The following MAML1 variants were observed in gnomAD, a reference collection of about 807,000 sequenced individuals.
MAML1 encodes the protein mastermind like transcriptional coactivator 1, also known as mastermind-like protein 1.
Under a neutral mutation model 77.1 loss-of-function variants are expected in MAML1, and 14 were observed. That is an observed-to-expected ratio of 0.18 (90% CI 0.12 to 0.28). The LOEUF is 0.28. Among genes scored for constraint, MAML1 ranks in the 10% least tolerant of loss-of-function variants. MAML1 has a pLI of 1.00. For missense variants in MAML1, 1,217 were observed against 1,327.8 expected (o/e 0.92, Z 1.30); for synonymous variants, 516 against 551.9 (o/e 0.93, Z 0.91).
At position 179,771,354 on chromosome 5, in the gene MAML1, T is replaced by C. The variant is rs1755984333; in HGVS notation, c.2068+111T>C. The C allele has an allele frequency of 1.1e-6, 1 of 903,854 alleles. No homozygotes were observed. The highest frequency in any genetic ancestry group is 1.4e-5 in the South Asian group (1 of 70,478). The allele number at this position is 903,854 out of a possible 1,614,324, so 56.0% of individuals were successfully genotyped here. A position where few individuals can be genotyped will look rare whatever the true frequency, so the allele number is the denominator to read the frequency against. The stretch of plus-strand genomic sequence containing the variant: ...CCTTGACTTCATCAGGCTGCATGCA[T>C]TGTCATCATATACACCTCAGTTTGC... On this transcript the variant is annotated intron_variant, in intron 4 of 4. Transcript: ENST00000292599. The surrounding 1 kb of genome is among the most constrained non-coding windows in gnomAD (Gnocchi z 4.7).
intron 1 of MAML1, among the ~76,000 whole-genome samples, chr5:179,736,969 A>C (rs1214347652): frequency 6.6e-6 from 1 of 151,928 alleles, no homozygotes; most frequent in African/African-American, 2.4e-5. Flanking sequence ...TCAAATTAAA[A>C]AAAAAAAAAA....
At chr5:179,748,944 G>GT (rs1389645853) in intron 1 of MAML1, among the ~76,000 whole-genome samples, 112 of 103,834 alleles carry the variant, frequency 1.1e-3, no homozygotes, top group Non-Finnish European at 1.4e-3. Context: ...AGAAAAAGGT[G>GT]TTTTTGTTTT....
intron 1 of MAML1, among the ~76,000 whole-genome samples, chr5:179,749,135 G>C (rs1779439787): frequency 6.6e-6 from 1 of 151,674 alleles, no homozygotes; most frequent in South Asian, 2.1e-4. Flanking sequence ...CTGGCTAGTT[G>C]TTGTTGTTTG....
rs545515834 is a variant in MAML1, at chr5:179,771,152, G to T, written c.1977G>T (p.Lys659Asn). Residue 659 changes from lysine to asparagine, a missense_variant, in exon 4 of 5, where the codon AAG becomes AAT. Lys to Asn is a moderately conservative substitution (Grantham distance 94). This residue lies in a region of MAML1 where 884 missense variants were observed against 949.3 expected (regional missense o/e 0.93). Coordinates refer to ENST00000292599, the MANE Select transcript of MAML1 (RefSeq NM_014757.5). The surrounding 1 kb of genome is among the most constrained non-coding windows in gnomAD (Gnocchi z 4.7). ...TTGTTCTTGGCATTTTCTAGGAGAAGCAACAGTTTCAGCGCCATCTGACCC... is the reference window on the plus strand; with the variant it reads ...TTGTTCTTGGCATTTTCTAGGAGAATCAACAGTTTCAGCGCCATCTGACCC... Reference protein sequence around the residue: ...RQQHLLAEQEKQQFQRHLTRP... With the variant: ...RQQHLLAEQENQQFQRHLTRP... 6.2e-6 allele frequency: 10 copies of T among 1,613,874 alleles called. No individual in the cohort carries two copies. The South Asian group carries it at 1.1e-4, about 18-fold the overall frequency.
chr5:179,775,101 G>A lies in MAML1; in HGVS notation c.*224G>A, dbSNP rs573595967. The A allele has an allele frequency of 7.4e-7, 1 of 1,345,220 alleles. No homozygotes were observed. The highest frequency in any genetic ancestry group is 2.8e-5 in the East Asian group (1 of 35,128). The allele number at this position is 1,345,220 out of a possible 1,614,324, so 83.3% of individuals were successfully genotyped here. On this transcript the variant is annotated 3_prime_UTR_variant, in exon 5 of 5. Transcript: ENST00000292599. The stretch of plus-strand genomic sequence containing the variant: ...GGCCCCAGCCCATCTGCTGGCATCA[G>A]TACCTGGTGTTGGGACAGCAGGATA...
chr5:179,765,280 A>T, intron 1 of MAML1, 46 bp from the exon 2 acceptor site: 2 of 1,511,562 alleles, frequency 1.3e-6, no homozygotes, highest in Non-Finnish European at 1.8e-6. Flanking sequence ...GTCATAGCAG[A>T]GCAAATTCAT....
rs1269497448 is a variant in MAML1, at chr5:179,756,193, A to G, written c.316-9133A>G. On this transcript the variant is annotated intron_variant, in intron 1 of 4. Transcript: ENST00000292599. ...GTAATCCCAGCACTTTTGGAGGCCG[A>G]GGCAGGTGGATCACGAGGTCAGGAG... Among the ~76,000 whole-genome samples the G allele has an allele frequency of 2.0e-5, 3 of 151,380 alleles. No individual in the cohort carries two copies. In the South Asian group the frequency reaches 6.3e-4, roughly 32 times the overall value.
At position 179,776,083 on chromosome 5, in the gene MAML1, G is replaced by A. The variant is rs533074560; in HGVS notation, c.*1206G>A. The A allele has an allele frequency of 7.1e-6, 7 of 985,904 alleles. No homozygotes were observed. The highest frequency in any genetic ancestry group is 4.7e-5 in the South Asian group (1 of 21,290). The allele number at this position is 985,904 out of a possible 1,614,324, so 61.1% of individuals were successfully genotyped here. A position where few individuals can be genotyped will look rare whatever the true frequency, so the allele number is the denominator to read the frequency against. ...GGACTTGACTAAGCTGAGGGTCCACGAAATAGAATATGACATGTGAGCTGT... is the reference window on the plus strand; with the variant it reads ...GGACTTGACTAAGCTGAGGGTCCACAAAATAGAATATGACATGTGAGCTGT... On this transcript the variant is annotated 3_prime_UTR_variant, in exon 5 of 5. Transcript: ENST00000292599.
chr5:179,735,165 A>C (rs1313536072), intron 1 of MAML1, among the ~76,000 whole-genome samples: 1 of 151,928 alleles, frequency 6.6e-6, no homozygotes, highest in Non-Finnish European at 1.5e-5. Context: ...CCTAAAACTT[A>C]AAGTATGATA....
chr5:179,772,662 G>T (rs1756028315), intron 4 of MAML1, among the ~76,000 whole-genome samples: 1 of 152,052 alleles, frequency 6.6e-6, no homozygotes. Flanking sequence ...GTGAAGATCT[G>T]GTAATTTCCT....
chr5:179,735,448 C>T (rs1035639634), intron 1 of MAML1, among the ~76,000 whole-genome samples: 5 of 152,106 alleles, frequency 3.3e-5, no homozygotes, highest in Admixed American at 6.5e-5. Context: ...AGTGCAATGG[C>T]GCGATCTAGG....
chr5:179,764,660 CAA>C (rs796443853), intron 1 of MAML1, among the ~76,000 whole-genome samples: 7 of 129,292 alleles, frequency 5.4e-5, no homozygotes, highest in Admixed American at 8.1e-5. Flanking sequence ...AACTCTGTCT[CAA>C]AAAAAAAAAA....
At chr5:179,750,633 G>T (rs1183815525) in intron 1 of MAML1, among the ~76,000 whole-genome samples, 1 of 151,984 alleles carries the variant, frequency 6.6e-6, no homozygotes, top group East Asian at 1.9e-4. Context: ...GCTAATTATT[G>T]TATTTTTTGT....
At chr5:179,739,608 C>T (rs535278877) in intron 1 of MAML1, among the ~76,000 whole-genome samples, 6 of 152,246 alleles carry the variant, frequency 3.9e-5, no homozygotes, top group East Asian at 1.9e-4. Context: ...TGCGTGGGAC[C>T]GGGAGGTAAA....
rs1175374829 is a variant in MAML1 at position 179,770,970 on chromosome 5, C to G, written c.1972-177C>G. 4 of 563,928 alleles carry G rather than the reference C, an allele frequency of 7.1e-6. No individual in the cohort carries two copies. The East Asian group carries it at 9.2e-5, about 13-fold the overall frequency. The allele number at this position is 563,928 out of a possible 1,614,324, so 34.9% of individuals were successfully genotyped here. On this transcript the variant is annotated intron_variant, in intron 3 of 4. Coordinates refer to ENST00000292599, the MANE Select transcript of MAML1 (RefSeq NM_014757.5). Reference sequence around the variant, plus strand: ...CCTACCTTTTAAAAAAGTCATTGCTCCCTAGATCTGTTTCATACTATTTAA... The same window carrying G: ...CCTACCTTTTAAAAAAGTCATTGCTGCCTAGATCTGTTTCATACTATTTAA...
intron 1 of MAML1, among the ~76,000 whole-genome samples, chr5:179,746,982 C>G (rs1779394611): frequency 6.6e-6 from 1 of 152,170 alleles, no homozygotes; most frequent in Non-Finnish European, 1.5e-5. Flanking sequence ...ACCCCTGAAA[C>G]AGAGTCTCAG....
chr5:179,764,993 A>ATGCG (rs555130074), intron 1 of MAML1, among the ~76,000 whole-genome samples: 1 of 109,348 alleles, frequency 9.1e-6, no homozygotes, highest in Non-Finnish European at 2.0e-5. Context: ...TATAATATAT[A>ATGCG]TATGTGTGTG....
chr5:179,766,292 T>A lies in MAML1; in HGVS notation c.1282T>A (p.Ser428Thr), dbSNP rs115956386. The change falls in exon 2 of 5, where the codon TCC becomes ACC. Residue 428 changes from serine to threonine, a missense_variant. Physicochemically the swap from Ser to Thr is moderately conservative, Grantham distance 58. Around this residue, in one of 3 missense-constraint regions of MAML1, gnomAD observed 884 missense variants for 949.3 expected, o/e 0.93. Transcript: ENST00000292599. The surrounding 1 kb of genome is among the most constrained non-coding windows in gnomAD (Gnocchi z 4.0). ...CCCGGCACCAGCCCCGGGCCAGATG[T>A]CCACATGGCAGCAGACGGGGCCCTC... The part of the protein sequence containing the change: ...ATPAPAPGQM[S>T]TWQQTGPSHS... The A allele has an allele frequency of 5.2e-4, 835 of 1,613,456 alleles. 2 individuals are homozygous for A. In the African/African-American group the frequency reaches 0.01, roughly 20 times the overall value.
Position 179,765,313 on chromosome 5 carries a change from C to T in MAML1, c.316-13C>T. 1.3e-6 allele frequency: 2 copies of T among 1,566,620 alleles called. No homozygotes were observed. The highest frequency in any genetic ancestry group is 1.7e-4 in the Middle Eastern group (1 of 5,830). The stretch of plus-strand genomic sequence containing the variant: ...CATATGTATCTTAAGTCATTCTTTT[C>T]AATGTTTTTCAGCATCTTCATGATA... On this transcript the variant is annotated splice_polypyrimidine_tract_variant and intron_variant, in intron 1 of 4. Transcript: ENST00000292599.
Sources: gnomAD v4.1 joint callset for allele counts (sites outside exome capture counted in the v4.1 genomes callset) on GRCh38, gnomAD v4.1.1 for gene constraint, gnomAD v4.1.1 regional missense constraint, Gnocchi (gnomAD v3.1) non-coding constraint, MANE v1.5 for transcripts, NCBI Gene and HGNC (gene_info 2026-07-23, HGNC 2026-07-21) for gene names.